The following SPTAN1 variants were observed in gnomAD, a reference collection of about 807,000 sequenced individuals.
SPTAN1 encodes the protein spectrin alpha, non-erythrocytic 1.
SPTAN1 carries 61 observed loss-of-function variants against 331.3 expected under a neutral mutation model. The observed-to-expected ratio is 0.18, with a 90% CI of 0.15 to 0.23. SPTAN1 has a LOEUF of 0.23. Ranked by LOEUF, SPTAN1 falls within the 10% of genes least tolerant of loss-of-function variation. SPTAN1 has a pLI of 1.00. For synonymous variants in SPTAN1, 1,153 were observed against 1,173.9 expected (o/e 0.98, Z 0.36); for missense variants, 2,043 against 3,147.9 (o/e 0.65, Z 8.40).
chr9:128,618,499 T>A (rs897875931), intron 43 of SPTAN1, among the ~76,000 whole-genome samples: 1 of 151,898 alleles, frequency 6.6e-6, no homozygotes, highest in Non-Finnish European at 1.5e-5. Flanking sequence ...TTTGTTTTTG[T>A]TTTTGAGACG....
intron 49 of SPTAN1, chr9:128,626,912 T>C (rs1858841082): frequency 1.6e-6 from 1 of 644,212 alleles, no homozygotes; most frequent in Non-Finnish European, 2.8e-6. Context: ...CCTCCCAGGC[T>C]CAGGTGATCC....
intron 49 of SPTAN1, 188 bp downstream of exon 49, chr9:128,626,875 T>TA: frequency 2.8e-6 from 2 of 704,850 alleles, no homozygotes; most frequent in Non-Finnish European, 2.4e-6. Flanking sequence ...AGTGCAGTGG[T>TA]GCTACCATGG....
At chr9:128,628,039 TTCCTGCCCAGGGC>T in intron 51 of SPTAN1, 97 bp downstream of exon 51, 1 of 1,478,888 alleles carries the variant, frequency 6.8e-7, no homozygotes, top group Non-Finnish European at 9.5e-7. Context: ...GGGATGGGCC[TTCCTGCCCAGGGC>T]GGGCTGCACT....
intron 45 of SPTAN1, among the ~76,000 whole-genome samples, chr9:128,622,665 T>C (rs1858063213): frequency 6.6e-6 from 1 of 152,224 alleles, no homozygotes; most frequent in South Asian, 2.1e-4. Flanking sequence ...TCAATTCTTT[T>C]TTCTTTTTAT....
chr9:128,596,858 A>G lies in SPTAN1; in HGVS notation c.3415-1542A>G, dbSNP rs1162744033. On this transcript the variant is annotated intron_variant, in intron 24 of 56. Coordinates refer to ENST00000372739, the MANE Select transcript of SPTAN1 (RefSeq NM_001130438.3). ...CACATAGGCTACCACATCCATTATT[A>G]TAATTGAAAAAATTTTTCTGGCCGG... Among the ~76,000 whole-genome samples the G allele has an allele frequency of 3.9e-5, 6 of 152,096 alleles. No individual in the cohort carries two copies. In the East Asian group the frequency reaches 1.2e-3, roughly 30 times the overall value.
intron 1 of SPTAN1, among the ~76,000 whole-genome samples, chr9:128,564,029 T>A (rs1849716551): frequency 6.6e-6 from 1 of 151,926 alleles, no homozygotes; most frequent in Non-Finnish European, 1.5e-5. Flanking sequence ...TCTTAGCACT[T>A]TGGAAGACCG....
Position 128,625,267 on chromosome 9 carries a change from T to G in SPTAN1, c.6069+88T>G. 1 of 1,325,462 alleles carries G rather than the reference T, an allele frequency of 7.5e-7. No homozygotes were observed. Among genetic ancestry groups the G allele is most frequent in the South Asian group, 1.2e-5 (1 of 82,916 alleles). The allele number at this position is 1,325,462 out of a possible 1,614,324, so 82.1% of individuals were successfully genotyped here. ...GCGTCTTTCACTGAGGCATTTATCT[T>G]CTGTTAGCCCCTGGGGATCAGCAGG... On this transcript the variant is annotated intron_variant, in intron 47 of 56. Transcript: ENST00000372739. The surrounding 1 kb of genome is among the most constrained non-coding windows in gnomAD (Gnocchi z 4.1).
rs757455339 is a variant in SPTAN1 at position 128,583,977 on chromosome 9, G to A, written c.2193+8G>A. ...GATGTGGCTGCTCACCAGGTAGTGT[G>A]AACTGGGGGCTGTGGTTGGGCAAGT... On this transcript the variant is annotated splice_region_variant and intron_variant, in intron 16 of 56. Coordinates refer to ENST00000372739, the MANE Select transcript of SPTAN1 (RefSeq NM_001130438.3). 1 of 1,614,198 alleles carries A rather than the reference G, an allele frequency of 6.2e-7. No individual in the cohort carries two copies. The highest frequency in any genetic ancestry group is 8.5e-7 in the Non-Finnish European group (1 of 1,180,040).
At chr9:128,630,572 C>T in intron 52 of SPTAN1, 197 bp downstream of exon 52, 1 of 581,872 alleles carries the variant, frequency 1.7e-6, no homozygotes, top group Non-Finnish European at 3.1e-6. Flanking sequence ...CTCTCTCGCC[C>T]AGGCTGGAGT....
Position 128,604,420 on chromosome 9 carries a change from G to A in SPTAN1, c.3719+3G>A. ...CATGAAGTACAGAGGTTCCACAGGTGAGGGGTCAGCCCTGGGCTGGGAGAG... is the reference window on the plus strand; with the variant it reads ...CATGAAGTACAGAGGTTCCACAGGTAAGGGGTCAGCCCTGGGCTGGGAGAG... On this transcript the variant is annotated splice_donor_region_variant and intron_variant, in intron 29 of 56. Coordinates refer to ENST00000372739, the MANE Select transcript of SPTAN1 (RefSeq NM_001130438.3). 6.2e-7 allele frequency: 1 copy of A among 1,612,724 alleles called. No homozygotes were observed. The highest frequency in any genetic ancestry group is 8.5e-7 in the Non-Finnish European group (1 of 1,179,416).
At chr9:128,618,640 A>C (rs1157544399) in intron 43 of SPTAN1, among the ~76,000 whole-genome samples, 2 of 151,764 alleles carry the variant, frequency 1.3e-5, no homozygotes, top group Admixed American at 6.6e-5. Context: ...CCCGCCACCA[A>C]GCCCAGCTAA....
chr9:128,599,100 C>A, intron 26 of SPTAN1, 114 bp downstream of exon 26: 1 of 1,002,318 alleles, frequency 1.0e-6, no homozygotes, highest in Non-Finnish European at 1.6e-6. Flanking sequence ...CCTCAGATGC[C>A]TTTTGTGTGT....
chr9:128,605,316 A>G lies in SPTAN1; in HGVS notation c.3885A>G (p.Thr1295=), dbSNP rs1467355753. The G allele has an allele frequency of 1.2e-6, 2 of 1,614,202 alleles. No homozygotes were observed. The highest frequency in any genetic ancestry group is 1.3e-5 in the African/African-American group (1 of 75,042). Residue 1295 remains threonine (T), a synonymous_variant, in exon 31 of 57, where the codon ACA becomes ACG. Coordinates refer to ENST00000372739, the MANE Select transcript of SPTAN1 (RefSeq NM_001130438.3). ...CATAGGTAAACTCCCTTGGTGAAAC[A>G]GCAGAGCGCCTGATCCAGTCCCATC... The part of the protein sequence containing the change: ...LGDKVNSLGE[T]AERLIQSHPE...
At position 128,633,204 on chromosome 9, in the gene SPTAN1, C is replaced by T. The variant is rs758102864; in HGVS notation, c.7309-5C>T. 2 of 1,614,022 alleles carry T rather than the reference C, an allele frequency of 1.2e-6. No individual in the cohort carries two copies. The highest frequency in any genetic ancestry group is 1.1e-5 in the South Asian group (1 of 91,084). ...AGGCACCAGGTGCCATCTCTTACCC[C>T]ACAGAACCTGACCCGGGAACAAGCC... On this transcript the variant is annotated splice_polypyrimidine_tract_variant and splice_region_variant and intron_variant, in intron 56 of 56. Coordinates refer to ENST00000372739, the MANE Select transcript of SPTAN1 (RefSeq NM_001130438.3).
chr9:128,612,049 T>G, intron 38 of SPTAN1, 60 bp from the exon 39 acceptor site: 1 of 1,613,588 alleles, frequency 6.2e-7, no homozygotes, highest in Admixed American at 1.7e-5. Context: ...AAATTGAGCT[T>G]TAGGAGAGGG....
At position 128,577,965 on chromosome 9, in the gene SPTAN1, A is replaced by T; in HGVS notation, c.1086-145A>T. 1 of 1,068,396 alleles carries T rather than the reference A, an allele frequency of 9.4e-7. No homozygotes were observed. The highest frequency in any genetic ancestry group is 1.4e-6 in the Non-Finnish European group (1 of 708,710). The allele number at this position is 1,068,396 out of a possible 1,614,324, so 66.2% of individuals were successfully genotyped here. A position where few individuals can be genotyped will look rare whatever the true frequency, so the allele number is the denominator to read the frequency against. Reference sequence around the variant, plus strand: ...TCTCTTGCTTTCCTTCACAGTCTAGATTGGGAAATTTTCATATTTCCCAGA... The same window carrying T: ...TCTCTTGCTTTCCTTCACAGTCTAGTTTGGGAAATTTTCATATTTCCCAGA... On this transcript the variant is annotated intron_variant, in intron 8 of 56. Transcript: ENST00000372739. The surrounding 1 kb of genome is among the most constrained non-coding windows in gnomAD (Gnocchi z 4.2).
rs1233546957 is a variant in SPTAN1, at chr9:128,625,995, G to T, written c.6279+17G>T. 6.2e-7 allele frequency: 1 copy of T among 1,612,802 alleles called. No homozygotes were observed. The highest frequency in any genetic ancestry group is 8.5e-7 in the Non-Finnish European group (1 of 1,179,390). On this transcript the variant is annotated intron_variant, in intron 48 of 56. Transcript: ENST00000372739. This position sits in a 1 kb window ranked among gnomAD's most constrained non-coding sequence, Gnocchi z 4.1. ...TTCCGCAAGGTGAGGATGGGGCCAC[G>T]TGAAGCTTAGCTGGCCCACAGCTCA...
rs1384237884 is a variant in SPTAN1, at chr9:128,590,554, G to GA, written c.3007-909dup. On this transcript the variant is annotated intron_variant, in intron 21 of 56. Transcript: ENST00000372739. ...CCTCATCTCTATTTATATTAAAAAA[G>GA]AAAAAAAAAAAAAAGGGCCAGGCGT... is the stretch of plus-strand genomic sequence containing the variant. Among the ~76,000 whole-genome samples the GA allele has an allele frequency of 5.9e-3, 787 of 133,888 alleles. 26 individuals are homozygous for GA. The highest frequency in any genetic ancestry group is 0.021 in the African/African-American group (739 of 34,508). The allele number at this position is 133,888 out of a possible 152,430, so 87.8% of individuals were successfully genotyped here. A position where few individuals can be genotyped will look rare whatever the true frequency, so the allele number is the denominator to read the frequency against.
chr9:128,622,958 G>A (rs1858117052), intron 45 of SPTAN1, among the ~76,000 whole-genome samples: 1 of 151,672 alleles, frequency 6.6e-6, no homozygotes, highest in African/African-American at 2.4e-5. Context: ...TCACCATGTT[G>A]GTTAGGCTGG....
Sources: allele counts gnomAD v4.1 joint callset (sites outside exome capture counted in the v4.1 genomes callset), GRCh38; gene constraint gnomAD v4.1.1; non-coding constraint Gnocchi (gnomAD v3.1); transcripts MANE v1.5; gene names NCBI Gene and HGNC (gene_info 2026-07-23, HGNC 2026-07-21).